The following BRPF3 variants were observed in gnomAD, a reference collection of about 807,000 sequenced individuals.
BRPF3 encodes bromodomain and PHD finger containing 3.
Under a neutral mutation model 102.0 loss-of-function variants are expected in BRPF3, and 18 were observed. The observed-to-expected ratio is 0.18, with a 90% confidence interval of 0.12 to 0.26. The LOEUF is 0.26. BRPF3 is among the 10% of genes least tolerant of loss of function. The probability of loss-of-function intolerance (pLI) is 1.00; values close to 1 mark genes in which losing one functional copy is unlikely to be tolerated. For missense variants in BRPF3, 1,147 were observed against 1,567.8 expected, an observed-to-expected ratio of 0.73 and a Z score of 4.53; for synonymous variants, 570 against 614.2, an observed-to-expected ratio of 0.93 and a Z score of 1.06.
chr6:36,213,756 T>C, intron 7 of BRPF3, 124 bp from the exon 8 acceptor site: 2 of 982,098 alleles, frequency 2.0e-6, no homozygotes, highest in Non-Finnish European at 3.0e-6. Flanking sequence ...ATCTAAGACC[T>C]TGAATGCATC....
rs142147511 is a variant in BRPF3, at chr6:36,201,273, G to A, written c.951G>A (p.Pro317=). Residue 317 remains proline (P), a synonymous_variant, in exon 2 of 13, where the codon CCG becomes CCA. Coordinates refer to ENST00000357641, the MANE Select transcript of BRPF3 (RefSeq NM_015695.3). This position sits in a 1 kb window ranked among gnomAD's most constrained non-coding sequence, Gnocchi z 5.1. ...LEPIEGIDNI[P]PARWKLTCYI... ...CTATTGAGGGCATTGACAATATCCC[G>A]CCTGCCCGCTGGAAACTAACCTGCT... 1.9e-4 allele frequency: 312 copies of A among 1,614,124 alleles called. No individual in the cohort carries two copies. In the African/African-American group the frequency reaches 3.4e-3, roughly 18 times the overall value.
At chr6:36,224,658 G>A (rs888107875) in intron 10 of BRPF3, among the ~76,000 whole-genome samples, 1 of 152,202 alleles carries the variant, frequency 6.6e-6, no homozygotes, top group Admixed American at 6.5e-5. Flanking sequence ...TCCGCACTCA[G>A]GGAGGCCCAG....
chr6:36,204,050 A>G (rs148503103), intron 2 of BRPF3, among the ~76,000 whole-genome samples: 1 of 152,196 alleles, frequency 6.6e-6, no homozygotes, highest in Non-Finnish European at 1.5e-5. Flanking sequence ...TAGTTTAGCC[A>G]GCTGGGTTTT....
At chr6:36,223,306 T>A (rs1484022037) in intron 10 of BRPF3, among the ~76,000 whole-genome samples, 1 of 152,238 alleles carries the variant, frequency 6.6e-6, no homozygotes, top group Admixed American at 6.5e-5. Context: ...CATGCCTGTG[T>A]GTTTCATTGC....
At chr6:36,220,493 A>G (rs1768496163) in intron 9 of BRPF3, among the ~76,000 whole-genome samples, 1 of 152,210 alleles carries the variant, frequency 6.6e-6, no homozygotes, top group Non-Finnish European at 1.5e-5. Flanking sequence ...GAACCCAGAT[A>G]GGCTCCAAGA....
At position 36,225,314 on chromosome 6, in the gene BRPF3, T is replaced by C. The variant is rs1410940220; in HGVS notation, c.3229T>C (p.Leu1077=). ...PFEDRGDLEP[L]ELVWAKCRGY... ...TGAAGACCGCGGAGACCTGGAGCCC[T>C]TGGAGCTGGTGTGGGCCAAGTGCCG... Residue 1077 remains leucine, a synonymous_variant, in exon 11 of 13, where the codon TTG becomes CTG. Transcript: ENST00000357641. The C allele has an allele frequency of 3.7e-6, 6 of 1,610,878 alleles. No individual in the cohort carries two copies. The highest frequency in any genetic ancestry group is 5.1e-6 in the Non-Finnish European group (6 of 1,180,016).
chr6:36,199,089 A>G (rs1243447104), intron 1 of BRPF3, among the ~76,000 whole-genome samples: 1 of 152,168 alleles, frequency 6.6e-6, no homozygotes, highest in African/African-American at 2.4e-5. Context: ...TAGTTGGTGT[A>G]TCCTGGATCA....
Position 36,201,486 on chromosome 6 carries a change from A to G in BRPF3, c.1164A>G (p.Pro388=), listed in dbSNP as rs1767696273. 2 of 1,614,070 alleles carry G rather than the reference A, an allele frequency of 1.2e-6. No homozygotes were observed. Among genetic ancestry groups the G allele is most frequent in the African/African-American group, 2.7e-5 (2 of 74,928 alleles). ...RKTAYCEAHS[P]PGAATARRKG... is the part of the protein sequence containing the mutation. ...CTGCCTACTGTGAGGCCCACTCGCCACCAGGTGCGGCCACTGCTAGGAGGA... is the reference window on the plus strand; with the variant it reads ...CTGCCTACTGTGAGGCCCACTCGCCGCCAGGTGCGGCCACTGCTAGGAGGA... The change falls in exon 2 of 13, where the codon CCA becomes CCG. Residue 388 remains proline (P), a synonymous_variant. Coordinates refer to ENST00000357641, the MANE Select transcript of BRPF3 (RefSeq NM_015695.3). The surrounding 1 kb of genome is among the most constrained non-coding windows in gnomAD (Gnocchi z 5.1).
chr6:36,202,524 A>T (rs1767751661), intron 2 of BRPF3, among the ~76,000 whole-genome samples: 1 of 150,344 alleles, frequency 6.7e-6, no homozygotes, highest in African/African-American at 2.4e-5. Flanking sequence ...GCAGAGAAGC[A>T]AGAGATAGGG....
chr6:36,204,114 C>T lies in BRPF3; in HGVS notation c.1449-544C>T, dbSNP rs1767818305. ...ATCCAATTTTTTTTTTCATTTGGTT[C>T]AAAATTAAACAACATTTTTAGGCTG... On this transcript the variant is annotated intron_variant, in intron 2 of 12. Transcript: ENST00000357641. Among the ~76,000 whole-genome samples the T allele has an allele frequency of 1.3e-5, 2 of 151,594 alleles. 1 individual carries two copies. The highest frequency in any genetic ancestry group is 4.2e-4 in the South Asian group (2 of 4,814).
intron 4 of BRPF3, among the ~76,000 whole-genome samples, 176 bp from the exon 5 acceptor site, chr6:36,209,611 T>A (rs1768022761): frequency 6.6e-6 from 1 of 152,232 alleles, no homozygotes; most frequent in Admixed American, 6.5e-5. Context: ...ATAGTAGCTG[T>A]TGGTGTCATT....
intron 9 of BRPF3, among the ~76,000 whole-genome samples, chr6:36,218,595 G>T (rs891464824): frequency 6.6e-6 from 1 of 152,030 alleles, no homozygotes; most frequent in African/African-American, 2.4e-5. Context: ...GAGTAGCTGG[G>T]AGTATAGGCA....
At chr6:36,202,486 C>G (rs1255716520) in intron 2 of BRPF3, among the ~76,000 whole-genome samples, 2 of 142,906 alleles carry the variant, frequency 1.4e-5, no homozygotes, top group African/African-American at 2.6e-5. Flanking sequence ...AGAGAGGTAC[C>G]TGGAACCATT....
At chr6:36,217,022 A>G (rs1768352923) in intron 8 of BRPF3, among the ~76,000 whole-genome samples, 1 of 152,174 alleles carries the variant, frequency 6.6e-6, no homozygotes, top group Non-Finnish European at 1.5e-5. Context: ...TGGGCAACAG[A>G]GCGAGACCCT....
chr6:36,209,279 A>T (rs1276685357), intron 4 of BRPF3, among the ~76,000 whole-genome samples: 2 of 152,208 alleles, frequency 1.3e-5, no homozygotes, highest in African/African-American at 4.8e-5. Context: ...GTACAGAGTT[A>T]GTGTGGCATA....
chr6:36,230,772 A>T lies in BRPF3; in HGVS notation c.*163A>T. ...AAGGGCAAGGCCCCAGTTTTGACCA[A>T]TCGCATGGTTCTCCTGGCAGGCCTG... is the stretch of plus-strand genomic sequence containing the variant. On this transcript the variant is annotated 3_prime_UTR_variant, in exon 13 of 13. Transcript: ENST00000357641. This position sits in a 1 kb window ranked among gnomAD's most constrained non-coding sequence, Gnocchi z 5.4. The T allele has an allele frequency of 3.4e-6, 3 of 883,596 alleles. No homozygotes were observed. The highest frequency in any genetic ancestry group is 5.1e-6 in the Non-Finnish European group (3 of 591,126). 54.7% of individuals were successfully genotyped at this position (883,596 alleles called of 1,614,324 possible).
chr6:36,209,338 T>A (rs144818589), intron 4 of BRPF3, among the ~76,000 whole-genome samples: 118 of 152,342 alleles, frequency 7.7e-4, no homozygotes, highest in African/African-American at 2.5e-3. Flanking sequence ...ATCCCAACTC[T>A]GCTCCTTATT....
At chr6:36,223,012 GT>G (rs1260151791) in intron 10 of BRPF3, among the ~76,000 whole-genome samples, 1 of 152,162 alleles carries the variant, frequency 6.6e-6, no homozygotes, top group Non-Finnish European at 1.5e-5. Flanking sequence ...TAACCCTGTA[GT>G]TTTATGGGCC....
At chr6:36,214,918 A>G (rs143537314) in intron 8 of BRPF3, among the ~76,000 whole-genome samples, 118 of 152,264 alleles carry the variant, frequency 7.7e-4, no homozygotes, top group African/African-American at 2.4e-3. Flanking sequence ...AGTTGAAGGC[A>G]TGAGCTATTT....
Sources: gnomAD v4.1 joint callset for allele counts (sites outside exome capture counted in the v4.1 genomes callset) on GRCh38, gnomAD v4.1.1 for gene constraint, Gnocchi (gnomAD v3.1) non-coding constraint, MANE v1.5 for transcripts, NCBI Gene and HGNC (gene_info 2026-07-23, HGNC 2026-07-21) for gene names.